BICRAL: variants seen among roughly 807,000 people sequenced by gnomAD.
BICRAL encodes the protein BRD4-interacting chromatin-remodeling complex-associated protein-like.
BICRAL carries 8 observed loss-of-function variants against 91.8 expected under a neutral mutation model. That is an observed-to-expected ratio of 0.09 (90% CI 0.05 to 0.16). The LOEUF (loss-of-function observed/expected upper bound fraction) is 0.16. Ranked by LOEUF, BICRAL falls within the 10% of genes least tolerant of loss-of-function variation. BICRAL has a pLI of 1.00. For missense variants in BICRAL, 1,038 were observed against 1,310.9 expected, an observed-to-expected ratio of 0.79 and a Z score of 3.21; for synonymous variants, 445 against 491.1, an observed-to-expected ratio of 0.91 and a Z score of 1.24.
chr6:42,809,430 A>T (rs910517043), intron 1 of BICRAL, among the ~76,000 whole-genome samples: 19 of 111,940 alleles, frequency 1.7e-4, no homozygotes, highest in African/African-American at 2.3e-4. Context: ...AACTATGAGA[A>T]TTTTTTTTTT....
At chr6:42,775,804 T>C (rs1220889434) in intron 1 of BICRAL, among the ~76,000 whole-genome samples, 1 of 152,228 alleles carries the variant, frequency 6.6e-6, no homozygotes, top group Admixed American at 6.5e-5. Context: ...CAAATAGCTT[T>C]AGTCCTCTAC....
At chr6:42,850,371 T>C (rs2114011336) in intron 6 of BICRAL, among the ~76,000 whole-genome samples, 1 of 151,472 alleles carries the variant, frequency 6.6e-6, no homozygotes, top group South Asian at 2.1e-4. Context: ...AATACAAAAA[T>C]TAGCCAGGTG....
chr6:42,859,867 C>G (rs9471933), intron 10 of BICRAL, among the ~76,000 whole-genome samples: 62,163 of 151,582 alleles, frequency 0.41, 15,378 homozygotes, highest in African/African-American at 0.71. Context: ...GGATGGTCTC[C>G]ATCTCCTGAC....
At position 42,751,087 on chromosome 6, in the gene BICRAL, T is replaced by C. The variant is rs192500780; in HGVS notation, c.-261+4064T>C. On this transcript the variant is annotated intron_variant, in intron 1 of 14. Coordinates refer to the BICRAL transcript ENST00000614467. Reference sequence around the variant, plus strand: ...GCCCAGTTTCCTTTTTTTAAAGTTATTTTATTTGAATAAGGATCCAAACAA... The same window carrying C: ...GCCCAGTTTCCTTTTTTTAAAGTTACTTTATTTGAATAAGGATCCAAACAA... 4.4e-3 allele frequency among the ~76,000 whole-genome samples: 674 copies of C among 151,530 alleles called. 2 individuals are homozygous for C. The highest frequency in any genetic ancestry group is 8.1e-3 in the Non-Finnish European group (553 of 67,910).
chr6:42,778,620 A>G (rs1275162736), upstream of BICRAL, among the ~76,000 whole-genome samples: 3 of 152,156 alleles, frequency 2.0e-5, no homozygotes, highest in Non-Finnish European at 2.9e-5. Flanking sequence ...TCATTTTTCA[A>G]AGTCAGATTT....
Position 42,852,144 on chromosome 6 carries a change from C to T in BICRAL, c.1892C>T (p.Thr631Ile). Residue 631 changes from threonine (T) to isoleucine (I), a missense_variant, in exon 7 of 13, where the codon ACA becomes ATA. Physicochemically the swap from Thr to Ile is moderately conservative, Grantham distance 89 (BLOSUM62 -1). This residue lies in a region of BICRAL where 532 missense variants were observed against 724.9 expected (regional missense o/e 0.73). Coordinates refer to ENST00000314073, the MANE Select transcript of BICRAL (RefSeq NM_001393499.1). ...QTSPISAPKT[T>I]DGLRQAQIPG... ...TCCCCCATTTCTGCTCCCAAGACCA[C>T]AGACGGCCTGAGGCAAGCACAGATC... 4.3e-6 allele frequency: 7 copies of T among 1,613,830 alleles called. No individual in the cohort carries two copies. Among genetic ancestry groups the T allele is most frequent in the Non-Finnish European group, 5.9e-6 (7 of 1,179,752 alleles).
chr6:42,761,028 AGAGT>A (rs1383367254), intron 1 of BICRAL, among the ~76,000 whole-genome samples: 1 of 152,166 alleles, frequency 6.6e-6, no homozygotes, highest in African/African-American at 2.4e-5. Context: ...CCTGGGTGAT[AGAGT>A]GAGACTCTGT....
At chr6:42,751,182 C>G (rs1027100762) in intron 1 of BICRAL, among the ~76,000 whole-genome samples, 5 of 149,886 alleles carry the variant, frequency 3.3e-5, no homozygotes, top group Non-Finnish European at 1.5e-5. Flanking sequence ...AGACAAACAG[C>G]TTTATTTGAA....
intron 1 of BICRAL, among the ~76,000 whole-genome samples, chr6:42,789,612 A>T (rs1268840189): frequency 6.6e-6 from 1 of 150,454 alleles, no homozygotes; most frequent in Non-Finnish European, 1.5e-5. Context: ...ACTGCACTCC[A>T]GCCTGGGTGA....
At chr6:42,824,891 G>A (rs1245164688) in intron 5 of BICRAL, among the ~76,000 whole-genome samples, 1 of 152,156 alleles carries the variant, frequency 6.6e-6, no homozygotes, top group African/African-American at 2.4e-5. Flanking sequence ...AGGAGGCCAA[G>A]GCAGGAGGAT....
At chr6:42,847,387 G>C (rs1431759431) in intron 6 of BICRAL, among the ~76,000 whole-genome samples, 1 of 152,108 alleles carries the variant, frequency 6.6e-6, no homozygotes, top group African/African-American at 2.4e-5. Flanking sequence ...TTTCATGAAT[G>C]GGTGTTGCTT....
intron 10 of BICRAL, among the ~76,000 whole-genome samples, chr6:42,857,600 TAAAAAAAA>T (rs748078737): frequency 2.0e-5 from 2 of 101,336 alleles, no homozygotes; most frequent in African/African-American, 1.0e-4. Flanking sequence ...CACTGTCTCT[TAAAAAAAA>T]AAAAAAATAT....
At chr6:42,799,132 C>G (rs1012875421) in intron 1 of BICRAL, among the ~76,000 whole-genome samples, 6 of 152,094 alleles carry the variant, frequency 3.9e-5, no homozygotes, top group African/African-American at 1.4e-4. Context: ...GACTTGAACT[C>G]CTGAGCTCAA....
chr6:42,802,525 TG>T (rs1763607312), intron 1 of BICRAL, among the ~76,000 whole-genome samples: 1 of 152,068 alleles, frequency 6.6e-6, no homozygotes, highest in Non-Finnish European at 1.5e-5. Context: ...CTCGGCTCAC[TG>T]CAACCTCCGC....
intron 11 of BICRAL, among the ~76,000 whole-genome samples, chr6:42,861,664 G>A (rs561987466): frequency 7.9e-5 from 12 of 152,166 alleles, no homozygotes; most frequent in South Asian, 2.1e-4. Context: ...ATGTGTATCC[G>A]TGTGTCTGTA....
At chr6:42,822,762 G>A (rs1562478958) in intron 3 of BICRAL, 34 bp from the exon 4 acceptor site, 12 of 1,253,882 alleles carry the variant, frequency 9.6e-6, no homozygotes, top group Non-Finnish European at 1.2e-5. Flanking sequence ...ATATTTGTTT[G>A]TTGTTTTATC....
chr6:42,767,192 A>AACT (rs1487483931), intron 1 of BICRAL, among the ~76,000 whole-genome samples: 29 of 152,180 alleles, frequency 1.9e-4, no homozygotes, highest in African/African-American at 6.3e-4. Context: ...GAGGAATGTC[A>AACT]ACTTAATTAA....
At chr6:42,824,125 G>A (rs1764220040) in intron 5 of BICRAL, among the ~76,000 whole-genome samples, 1 of 151,876 alleles carries the variant, frequency 6.6e-6, no homozygotes, top group Non-Finnish European at 1.5e-5. Context: ...CAGCTACTCA[G>A]GAGGCTGAGG....
intron 7 of BICRAL, among the ~76,000 whole-genome samples, chr6:42,852,700 T>C (rs1765227901): frequency 6.7e-6 from 1 of 149,486 alleles, no homozygotes; most frequent in Admixed American, 6.7e-5. Context: ...ATAGCATCAA[T>C]TGTAAGATGT....
Sources: allele counts gnomAD v4.1 joint callset (sites outside exome capture counted in the v4.1 genomes callset), GRCh38; gene constraint gnomAD v4.1.1; regional missense constraint gnomAD v4.1.1; transcripts MANE v1.5; gene names NCBI Gene and HGNC (gene_info 2026-07-23, HGNC 2026-07-21).